SECISBP2: variants seen among roughly 807,000 people sequenced by gnomAD.
SECISBP2 encodes selenocysteine insertion sequence-binding protein 2.
SECISBP2 carries 96 observed loss-of-function variants against 98.2 expected under a neutral mutation model. That is an observed-to-expected ratio of 0.98 (90% CI 0.83 to 1.16). The LOEUF is 1.16. Among genes scored for constraint, SECISBP2 ranks in the 50% most tolerant of loss-of-function variants. The pLI is 0.00. For synonymous variants in SECISBP2, 407 were observed against 370.2 expected, an observed-to-expected ratio of 1.10 and a Z score of -1.14; for missense variants, 1,046 against 1,022.9, an observed-to-expected ratio of 1.02 and a Z score of -0.31.
Position 89,334,644 on chromosome 9 carries a change from A to G in SECISBP2, c.1003A>G (p.Lys335Glu). ...GACCATTGCTTCATCAGCAGATCCT[A>G]AAAATGTTAGTATACCATCTTCTGA... Reference protein sequence around the residue: ...LKTIASSADPKNVSIPSSEAL... With the variant: ...LKTIASSADPENVSIPSSEAL... Residue 335 changes from lysine (K) to glutamate (E), a missense_variant, in exon 7 of 17, where the codon AAA becomes GAA. Lys to Glu is a moderately conservative substitution (Grantham distance 56). Transcript: ENST00000375807. 1 of 1,613,942 alleles carries G rather than the reference A, an allele frequency of 6.2e-7. No homozygotes were observed. The highest frequency in any genetic ancestry group is 8.5e-7 in the Non-Finnish European group (1 of 1,179,844).
At chr9:89,333,322 TG>T (rs1484405834) in intron 6 of SECISBP2, among the ~76,000 whole-genome samples, 1 of 152,240 alleles carries the variant, frequency 6.6e-6, no homozygotes, top group African/African-American at 2.4e-5. Flanking sequence ...AAAGAGCTCT[TG>T]TTTATTTGGG....
At chr9:89,329,145 G>A (rs546828395) in intron 5 of SECISBP2, 13 of 437,774 alleles carry the variant, frequency 3.0e-5, no homozygotes, top group Non-Finnish European at 5.0e-5. Flanking sequence ...ACGGAGTCTC[G>A]CTCTGTCACC....
intron 6 of SECISBP2, chr9:89,334,183 G>A: frequency 8.5e-7 from 1 of 1,181,858 alleles, no homozygotes; most frequent in Non-Finnish European, 1.1e-6. Context: ...TTGATCTTTA[G>A]TTCGTTAATT....
chr9:89,333,017 A>T (rs975553026), intron 6 of SECISBP2, 31 bp downstream of exon 6: 1 of 1,573,778 alleles, frequency 6.4e-7, no homozygotes, highest in South Asian at 1.1e-5. Flanking sequence ...GTTAATTTTT[A>T]AAATGTCATA....
chr9:89,340,855 A>G (rs563222414), intron 9 of SECISBP2, among the ~76,000 whole-genome samples: 18 of 152,372 alleles, frequency 1.2e-4, no homozygotes, highest in Middle Eastern at 3.4e-3. Flanking sequence ...TGTTTTGAGC[A>G]TATCAGACTT....
At chr9:89,362,114 C>T, downstream of SECISBP2, 4 of 568,900 alleles carry the variant, frequency 7.0e-6, no homozygotes, top group East Asian at 2.9e-5. Flanking sequence ...GCTATCAAAG[C>T]CTGTTAGCCA....
intron 2 of SECISBP2, among the ~76,000 whole-genome samples, chr9:89,321,973 T>C (rs568173194): frequency 1.4e-4 from 22 of 152,352 alleles, no homozygotes; most frequent in Middle Eastern, 3.4e-3. Context: ...ATTTCCTCCT[T>C]CTTACTTGTT....
chr9:89,358,523 C>A (rs1300144028), intron 16 of SECISBP2, among the ~76,000 whole-genome samples, 198 bp from the exon 17 acceptor site: 1 of 152,224 alleles, frequency 6.6e-6, no homozygotes, highest in East Asian at 1.9e-4. Flanking sequence ...GAAGATGGCC[C>A]CCCAGCTTCT....
intron 7 of SECISBP2, among the ~76,000 whole-genome samples, chr9:89,336,081 C>CCTTTTTT (rs1828628556): frequency 3.0e-5 from 1 of 33,062 alleles, no homozygotes; most frequent in Non-Finnish European, 5.7e-5. Flanking sequence ...ATTTTAAGTG[C>CCTTTTTT]TTTTTTTTTT....
At chr9:89,362,438 C>A, downstream of SECISBP2, 1 of 1,614,014 alleles carries the variant, frequency 6.2e-7, no homozygotes, top group Non-Finnish European at 8.5e-7. Context: ...CCTGAAAGAA[C>A]AATGTGGTCT....
chr9:89,356,931 C>G (rs1832177628), intron 14 of SECISBP2: 2 of 247,782 alleles, frequency 8.1e-6, no homozygotes, highest in African/African-American at 2.3e-5. Context: ...CATTTCACCT[C>G]CATCCTCTCT....
At chr9:89,348,051 C>T in intron 11 of SECISBP2, 28 bp from the exon 12 acceptor site, 1 of 1,584,512 alleles carries the variant, frequency 6.3e-7, no homozygotes, top group Non-Finnish European at 8.6e-7. Context: ...AGTATTTAGG[C>T]ATTTTAATTG....
intron 10 of SECISBP2, 83 bp downstream of exon 10, chr9:89,341,562 A>C (rs1234523298): frequency 2.0e-6 from 3 of 1,524,008 alleles, no homozygotes; most frequent in Middle Eastern, 1.7e-4. Context: ...TCTTGTTATC[A>C]AAAGTTATTT....
At chr9:89,341,862 G>A (rs939431931) in intron 10 of SECISBP2, among the ~76,000 whole-genome samples, 3 of 152,092 alleles carry the variant, frequency 2.0e-5, no homozygotes, top group African/African-American at 7.2e-5. Context: ...AAAAGAAAAC[G>A]GGTAAATCTT....
At chr9:89,328,478 T>C (rs1473056972) in intron 4 of SECISBP2, among the ~76,000 whole-genome samples, 182 bp from the exon 5 acceptor site, 3 of 152,238 alleles carry the variant, frequency 2.0e-5, no homozygotes, top group Admixed American at 6.5e-5. Context: ...TTGATACTTA[T>C]GGTCATTTAA....
intron 3 of SECISBP2, 23 bp from the exon 4 acceptor site, chr9:89,325,874 T>C: frequency 1.9e-6 from 3 of 1,613,444 alleles, no homozygotes. Flanking sequence ...TTATTTCATG[T>C]TGCTTTTTAA....
At chr9:89,366,841 A>G in the SECISBP2 span, among the ~76,000 whole-genome samples, 1 of 152,194 alleles carries the variant, frequency 6.6e-6, no homozygotes. Context: ...ACCTGCACCA[A>G]GAACCACCCA....
Position 89,318,621 on chromosome 9 carries a change from C to T in SECISBP2, c.36+9C>T, listed in dbSNP as rs1825108362. On this transcript the variant is annotated intron_variant, in intron 1 of 16. Coordinates refer to ENST00000375807, the MANE Select transcript of SECISBP2 (RefSeq NM_024077.5). ...GGGAGCCCGAAAGCGAGGTAAGGGC[C>T]GACGGGGGCTCTCTCGGCAGCCTCA... 2 of 1,430,874 alleles carry T rather than the reference C, an allele frequency of 1.4e-6. No homozygotes were observed. Among genetic ancestry groups the T allele is most frequent in the Non-Finnish European group, 1.8e-6 (2 of 1,101,136 alleles). 88.6% of individuals were successfully genotyped at this position (1,430,874 alleles called of 1,614,324 possible).
intron 14 of SECISBP2, 62 bp downstream of exon 14, chr9:89,350,914 G>T: frequency 1.4e-6 from 2 of 1,393,388 alleles, no homozygotes; most frequent in Non-Finnish European, 2.0e-6. Context: ...GTGTGCCCTC[G>T]TGTTTGCCAC....
Sources: gnomAD v4.1 joint callset for allele counts (sites outside exome capture counted in the v4.1 genomes callset) on GRCh38, gnomAD v4.1.1 for gene constraint, MANE v1.5 for transcripts, NCBI Gene and HGNC (gene_info 2026-07-23, HGNC 2026-07-21) for gene names.